ADAMTS3: variants seen among roughly 807,000 people sequenced by gnomAD.
ADAMTS3 encodes ADAM metallopeptidase with thrombospondin type 1 motif 3.
In ADAMTS3, 73 loss-of-function variants were observed where a neutral mutation model predicts 129.0. The observed-to-expected ratio is 0.57, with a 90% CI of 0.47 to 0.69. The LOEUF is 0.69. Ranked by LOEUF, ADAMTS3 falls within the 30% of genes least tolerant of loss-of-function variation. The pLI, the probability that ADAMTS3 is intolerant of heterozygous loss-of-function variation, is 0.00. For missense variants in ADAMTS3, 1,457 were observed against 1,514.5 expected, an observed-to-expected ratio of 0.96 and a Z score of 0.63; for synonymous variants, 477 against 510.8, an observed-to-expected ratio of 0.93 and a Z score of 0.89.
chr4:72,373,554 TATTTAA>T (rs1721065644), intron 4 of ADAMTS3, among the ~76,000 whole-genome samples: 1 of 152,172 alleles, frequency 6.6e-6, no homozygotes, highest in African/African-American at 2.4e-5. Flanking sequence ...TGAATTCATT[TATTTAA>T]AGTTAAAAAT....
chr4:72,382,155 A>C (rs150755325), intron 4 of ADAMTS3, among the ~76,000 whole-genome samples: 64 of 152,280 alleles, frequency 4.2e-4, no homozygotes, highest in Non-Finnish European at 7.2e-4. Flanking sequence ...CCTGCTATGA[A>C]GCCTTGAAGG....
intron 20 of ADAMTS3, among the ~76,000 whole-genome samples, chr4:72,290,315 G>A (rs1417756283): frequency 2.0e-5 from 3 of 152,168 alleles, no homozygotes; most frequent in Non-Finnish European, 4.4e-5. Context: ...TATACAGGAG[G>A]AACTGCCAGG....
chr4:72,506,636 A>G (rs750613514), intron 3 of ADAMTS3, among the ~76,000 whole-genome samples: 1 of 152,308 alleles, frequency 6.6e-6, no homozygotes, highest in East Asian at 1.9e-4. Context: ...TCTTTCCCTC[A>G]CAGCATCTCT....
intron 3 of ADAMTS3, among the ~76,000 whole-genome samples, chr4:72,440,438 T>C (rs1046241673): frequency 2.0e-5 from 3 of 151,832 alleles, no homozygotes; most frequent in African/African-American, 7.2e-5. Context: ...AATCATTTCC[T>C]TGTTTAAAAA....
At chr4:72,548,330 G>A in intron 3 of ADAMTS3, 148 bp downstream of exon 3, 1 of 791,810 alleles carries the variant, frequency 1.3e-6, no homozygotes. Flanking sequence ...ATCTTTGACA[G>A]CAAAATGCTT....
rs1719220578 is a variant in ADAMTS3, at chr4:72,311,063, C to T, written c.2040G>A (p.Val680=). Residue 680 remains valine, a synonymous_variant, in exon 14 of 22, where the codon GTG becomes GTA. Coordinates refer to ENST00000286657, the MANE Select transcript of ADAMTS3 (RefSeq NM_014243.3). ...TTGAACTTACCACACACTCTCCTCG[C>T]ACACATATGCTATATGGATCTTTGT... ...CSYKDPYSIC[V]RGECVKVGCD... is the part of the protein sequence containing the mutation. 2 of 1,607,322 alleles carry T rather than the reference C, an allele frequency of 1.2e-6. No individual in the cohort carries two copies. The highest frequency in any genetic ancestry group is 1.3e-5 in the African/African-American group (1 of 74,662).
chr4:72,294,567 A>T (rs984466960), intron 19 of ADAMTS3, among the ~76,000 whole-genome samples: 3 of 152,098 alleles, frequency 2.0e-5, no homozygotes, highest in African/African-American at 7.2e-5. Context: ...CCATAAAAAC[A>T]TACAATTTTT....
intron 4 of ADAMTS3, among the ~76,000 whole-genome samples, chr4:72,360,041 T>A (rs1446852759): frequency 6.6e-6 from 1 of 152,230 alleles, no homozygotes. Flanking sequence ...GGTTTGCTGA[T>A]CTTACCAGGT....
chr4:72,546,117 CTT>C (rs1721460751), intron 3 of ADAMTS3, among the ~76,000 whole-genome samples: 1 of 152,202 alleles, frequency 6.6e-6, no homozygotes. Flanking sequence ...TTCATTGTAA[CTT>C]TGCAGCTGCC....
chr4:72,464,132 C>A (rs1026657375), intron 3 of ADAMTS3, among the ~76,000 whole-genome samples: 13 of 152,130 alleles, frequency 8.5e-5, no homozygotes, highest in Non-Finnish European at 1.6e-4. Context: ...GCTCAATGAC[C>A]GTGCAAAACC....
intron 3 of ADAMTS3, among the ~76,000 whole-genome samples, chr4:72,435,282 C>G (rs1311882906): frequency 6.6e-6 from 1 of 151,690 alleles, no homozygotes; most frequent in Admixed American, 6.6e-5. Flanking sequence ...TTTTTTGCTG[C>G]TCTGTTTGAC....
intron 20 of ADAMTS3, among the ~76,000 whole-genome samples, chr4:72,289,253 A>G (rs550240334): frequency 1.3e-5 from 2 of 152,350 alleles, no homozygotes; most frequent in Non-Finnish European, 2.9e-5. Flanking sequence ...GCCATGATTA[A>G]TAACAATGGT....
chr4:72,545,995 T>C (rs1721458192), intron 3 of ADAMTS3, among the ~76,000 whole-genome samples: 1 of 152,188 alleles, frequency 6.6e-6, no homozygotes, highest in Non-Finnish European at 1.5e-5. Flanking sequence ...TAAGTGGACT[T>C]TTTAAAAAGT....
intron 3 of ADAMTS3, among the ~76,000 whole-genome samples, chr4:72,444,797 A>T (rs911556091): frequency 2.0e-5 from 3 of 151,798 alleles, no homozygotes; most frequent in African/African-American, 7.2e-5. Context: ...GAAACAAGCC[A>T]TTGTCTGTCA....
intron 3 of ADAMTS3, among the ~76,000 whole-genome samples, chr4:72,492,657 G>A (rs568061040): frequency 1.2e-4 from 18 of 151,836 alleles, no homozygotes; most frequent in Non-Finnish European, 2.1e-4. Context: ...CCTAGAGAAT[G>A]TTCTGTGTGT....
chr4:72,489,551 A>G (rs1000268759), intron 3 of ADAMTS3, among the ~76,000 whole-genome samples: 8 of 151,900 alleles, frequency 5.3e-5, no homozygotes, highest in Non-Finnish European at 1.2e-4. Context: ...TAGCCCAATA[A>G]TCCAGGATCA....
chr4:72,466,321 G>T (rs766492163), intron 3 of ADAMTS3, among the ~76,000 whole-genome samples: 2 of 152,024 alleles, frequency 1.3e-5, no homozygotes, highest in Non-Finnish European at 2.9e-5. Context: ...CATCCTTGTA[G>T]TCCATGGTAA....
intron 19 of ADAMTS3, 21 bp downstream of exon 19, chr4:72,295,633 A>G (rs202196725): frequency 1.0e-4 from 161 of 1,594,826 alleles, no homozygotes; most frequent in Non-Finnish European, 1.1e-4. Context: ...TCCAGATATG[A>G]TAGTTAAAAT....
Position 72,421,242 on chromosome 4 carries a change from C to A in ADAMTS3, c.505-6271G>T, listed in dbSNP as rs544079779. Among the ~76,000 whole-genome samples the A allele has an allele frequency of 1.6e-3, 248 of 152,322 alleles. 1 individual carries two copies. Among genetic ancestry groups the A allele is most frequent in the African/African-American group, 5.7e-3 (235 of 41,562 alleles). On this transcript the variant is annotated intron_variant, in intron 3 of 21. Transcript: ENST00000286657. The stretch of plus-strand genomic sequence containing the variant: ...GGTCCTAGTCCCACTGGTACTACCC[C>A]ACTTATATCAATTAGCATCGCTTTC...
Sources: gnomAD v4.1 joint callset for allele counts (sites outside exome capture counted in the v4.1 genomes callset) on GRCh38, gnomAD v4.1.1 for gene constraint, MANE v1.5 for transcripts, NCBI Gene and HGNC (gene_info 2026-07-23, HGNC 2026-07-21) for gene names.